Variants in CLCN7 observed in about 807,000 individuals in gnomAD.
CLCN7 encodes H(+)/Cl(-) exchange transporter 7.
CLCN7 carries 60 observed loss-of-function variants against 102.1 expected under a neutral mutation model. That is an observed-to-expected ratio of 0.59 (90% CI 0.48 to 0.73). The LOEUF (loss-of-function observed/expected upper bound fraction) is 0.73. Among genes scored for constraint, CLCN7 ranks in the 30% least tolerant of loss-of-function variants. The pLI, the probability that CLCN7 is intolerant of heterozygous loss-of-function variation, is 0.00. For synonymous variants in CLCN7, 560 were observed against 490.5 expected (o/e 1.14, Z -1.87); for missense variants, 962 against 1,125.7 (o/e 0.85, Z 2.08).
At chr16:1,458,432 C>A (rs938357006) in intron 7 of CLCN7, among the ~76,000 whole-genome samples, 1 of 152,268 alleles carries the variant, frequency 6.6e-6, no homozygotes. Flanking sequence ...ACAGGCGGGT[C>A]GCCATTCCCA....
intron 1 of CLCN7, chr16:1,472,533 G>A (rs983494837): frequency 6.6e-6 from 1 of 151,958 alleles, no homozygotes; most frequent in Non-Finnish European, 1.5e-5. Context: ...GCACAGCCGG[G>A]AATACTTTCT....
At position 1,457,889 on chromosome 16, in the gene CLCN7, A is replaced by G. The variant is rs2142383256; in HGVS notation, c.676-133T>C. The G allele has an allele frequency of 1.2e-6, 1 of 861,788 alleles. No homozygotes were observed. The highest frequency in any genetic ancestry group is 1.4e-5 in the South Asian group (1 of 71,562). 53.4% of individuals were successfully genotyped at this position (861,788 alleles called of 1,614,324 possible). A position where few individuals can be genotyped will look rare whatever the true frequency, so the allele number is the denominator to read the frequency against. ...ACGGGGCCTCCGGGAGGGGGCCAGC[A>G]CCCCCAGGCTGGGTCTCCCCATGGC... is the stretch of plus-strand genomic sequence containing the variant. On this transcript the variant is annotated intron_variant, in intron 7 of 24. Transcript: ENST00000382745. This position sits in a 1 kb window ranked among gnomAD's most constrained non-coding sequence, Gnocchi z 5.4.
At chr16:1,470,057 G>A in intron 1 of CLCN7, among the ~76,000 whole-genome samples, 1 of 152,256 alleles carries the variant, frequency 6.6e-6, no homozygotes, top group Non-Finnish European at 1.5e-5. Flanking sequence ...AGGAGGAAGG[G>A]AGAGCGTTGA....
rs1442844566 is a variant in CLCN7, at chr16:1,447,586, CTG to C, written c.2074-20_2074-19del. On this transcript the variant is annotated intron_variant, in intron 22 of 24. Transcript: ENST00000382745. ...ACAAACACCTGCGGGCGGCAGAGCC[CTG>C]TGTCAGGCACCCAGGCAGCACCCCC... 7 of 1,552,920 alleles carry C rather than the reference CTG, an allele frequency of 4.5e-6. No homozygotes were observed. The highest frequency in any genetic ancestry group is 5.2e-6 in the Non-Finnish European group (6 of 1,148,474).
At chr16:1,448,079 G>C (rs571620976) in intron 21 of CLCN7, among the ~76,000 whole-genome samples, 53 of 152,198 alleles carry the variant, frequency 3.5e-4, no homozygotes, top group Non-Finnish European at 6.6e-4. Context: ...TGTGTGTCCT[G>C]TCAGGGCCTC....
chr16:1,454,333 C>T, intron 13 of CLCN7, 78 bp downstream of exon 13: 2 of 1,462,822 alleles, frequency 1.4e-6, no homozygotes, highest in East Asian at 4.5e-5. Flanking sequence ...CCACAGCCTC[C>T]AGTCCTCGTC....
intron 14 of CLCN7, among the ~76,000 whole-genome samples, chr16:1,453,258 C>T (rs1440253428): frequency 6.6e-6 from 1 of 152,100 alleles, no homozygotes; most frequent in East Asian, 1.9e-4. Flanking sequence ...GGTGATCCAC[C>T]CGCCTCGGCC....
intron 7 of CLCN7, 103 bp downstream of exon 7, chr16:1,459,004 G>A: frequency 2.1e-6 from 2 of 950,142 alleles, no homozygotes; most frequent in Non-Finnish European, 3.2e-6. Flanking sequence ...AGTACACAGG[G>A]TGGCTGAGGC....
At position 1,460,405 on chromosome 16, in the gene CLCN7, T is replaced by A. The variant is rs774287566; in HGVS notation, c.594+13A>T. 1.9e-6 allele frequency: 3 copies of A among 1,599,390 alleles called. No individual in the cohort carries two copies. The highest frequency in any genetic ancestry group is 2.6e-6 in the Non-Finnish European group (3 of 1,167,224). On this transcript the variant is annotated intron_variant, in intron 6 of 24. Transcript: ENST00000382745. ...CATGGGGTCCGCCATAGCTGCGGCA[T>A]CCTGCCACCCACCTCTATGAAAGCC... is the stretch of plus-strand genomic sequence containing the variant.
rs754968460 is a variant in CLCN7 at position 1,452,778 on chromosome 16, C to A, written c.1330G>T (p.Gly444Cys). 5.6e-5 allele frequency: 90 copies of A among 1,604,872 alleles called. No homozygotes were observed. Among genetic ancestry groups the A allele is most frequent in the Non-Finnish European group, 7.5e-5 (88 of 1,176,398 alleles). Residue 444 changes from glycine (G) to cysteine (C), a missense_variant, in exon 15 of 25, where the codon GGC becomes TGC. Around this residue, in one of 2 missense-constraint regions of CLCN7, gnomAD observed 799 missense variants for 988.0 expected, o/e 0.81. Transcript: ENST00000382745. Reference sequence around the variant, plus strand: ...ACCTGCAGCGGGTAGGACATGGAGCCCCCCTGCAGGGGCTGGCAATCCCGC... The same window carrying A: ...ACCTGCAGCGGGTAGGACATGGAGCACCCCTGCAGGGGCTGGCAATCCCGC... ...SSRDCQPLQG[G>C]SMSYPLQLFC...
intron 1 of CLCN7, among the ~76,000 whole-genome samples, chr16:1,473,979 G>A (rs947324897): frequency 6.6e-6 from 1 of 152,068 alleles, no homozygotes; most frequent in African/African-American, 2.4e-5. Context: ...AGCTACTCAG[G>A]AGGCTGAGGC....
At chr16:1,464,662 G>A (rs2038980671) in intron 2 of CLCN7, among the ~76,000 whole-genome samples, 1 of 152,242 alleles carries the variant, frequency 6.6e-6, no homozygotes. Context: ...GGTGGGGCCT[G>A]ATGGGGAGAA....
At chr16:1,467,485 C>G (rs1280615227) in intron 1 of CLCN7, among the ~76,000 whole-genome samples, 4 of 152,172 alleles carry the variant, frequency 2.6e-5, no homozygotes, top group Non-Finnish European at 5.9e-5. Flanking sequence ...TGCCCACTCC[C>G]TCTTGCTCAC....
rs1239960954 is a variant in CLCN7 at position 1,459,261 on chromosome 16, CCCAGGAGCT to C, written c.595-83_595-75del. On this transcript the variant is annotated intron_variant, in intron 6 of 24. Coordinates refer to ENST00000382745, the MANE Select transcript of CLCN7 (RefSeq NM_001287.6). ...GATGCAGCCCCTCAGCCCCAGGAGC[CCCAGGAGCT>C]GAGGAGAGCAGCAGACACGTCGGGG... is the stretch of plus-strand genomic sequence containing the variant. The C allele has an allele frequency of 5.2e-5, 71 of 1,361,338 alleles. 1 individual carries two copies. The South Asian group carries it at 5.7e-4, about 11-fold the overall frequency. 84.3% of individuals were successfully genotyped at this position (1,361,338 alleles called of 1,614,324 possible).
In CLCN7 at chr16:1,457,548, G is replaced by A. The variant is rs1024569330; in HGVS notation, c.738+146C>T. ...GTGACGCGGCCCTTCCTGGAGACCAGAAGGACCGGTGCTCAGAGACACGCG... is the reference window on the plus strand; with the variant it reads ...GTGACGCGGCCCTTCCTGGAGACCAAAAGGACCGGTGCTCAGAGACACGCG... On this transcript the variant is annotated intron_variant, in intron 8 of 24. Coordinates refer to ENST00000382745, the MANE Select transcript of CLCN7 (RefSeq NM_001287.6). The surrounding 1 kb of genome is among the most constrained non-coding windows in gnomAD (Gnocchi z 5.4). The A allele has an allele frequency of 1.4e-6, 1 of 689,718 alleles. No homozygotes were observed. Among genetic ancestry groups the A allele is most frequent in the East Asian group, 2.7e-5 (1 of 37,188 alleles). The allele number at this position is 689,718 out of a possible 1,614,324, so 42.7% of individuals were successfully genotyped here.
chr16:1,452,776 G>GC lies in CLCN7; in HGVS notation c.1331dup (p.Ser445LeufsTer155), dbSNP rs755135552. ...CCACCTGCAGCGGGTAGGACATGGA[G>GC]CCCCCCTGCAGGGGCTGGCAATCCC... On this transcript the variant is annotated frameshift_variant, in exon 15 of 25. Transcript: ENST00000382745. LOFTEE classifies it high-confidence loss of function. 1 of 1,604,618 alleles carries GC rather than the reference G, an allele frequency of 6.2e-7. No homozygotes were observed. Among genetic ancestry groups the GC allele is most frequent in the Non-Finnish European group, 8.5e-7 (1 of 1,176,224 alleles).
intron 17 of CLCN7, 62 bp downstream of exon 17, chr16:1,450,435 G>T: frequency 1.4e-6 from 2 of 1,480,948 alleles, no homozygotes; most frequent in Non-Finnish European, 1.8e-6. Flanking sequence ...GCTCCGGCCC[G>T]CGATGCCGCA....
At chr16:1,456,541 C>G (rs555361033) in intron 9 of CLCN7, among the ~76,000 whole-genome samples, 1 of 152,198 alleles carries the variant, frequency 6.6e-6, no homozygotes, top group Non-Finnish European at 1.5e-5. Context: ...ACGCTGCCTG[C>G]CTCTAAATTC....
chr16:1,461,574 C>T, intron 3 of CLCN7, 29 bp downstream of exon 3: 1 of 1,612,858 alleles, frequency 6.2e-7, no homozygotes, highest in Non-Finnish European at 8.5e-7. Flanking sequence ...GGCCGGGTCT[C>T]AGGGTCAGGG....
Sources: gnomAD v4.1 joint callset for allele counts (sites outside exome capture counted in the v4.1 genomes callset) on GRCh38, gnomAD v4.1.1 for gene constraint, gnomAD v4.1.1 regional missense constraint, Gnocchi (gnomAD v3.1) non-coding constraint, MANE v1.5 for transcripts, NCBI Gene and HGNC (gene_info 2026-07-23, HGNC 2026-07-21) for gene names.